ACTR3C: variants seen among roughly 807,000 people sequenced by gnomAD.
The protein encoded by ACTR3C is actin-related protein 3C.
Under a neutral mutation model 26.3 loss-of-function variants are expected in ACTR3C, and 18 were observed. The observed-to-expected ratio is 0.68, with a 90% confidence interval of 0.47 to 1.01. The LOEUF is 1.01. ACTR3C is among the 50% of genes least tolerant of loss of function. The pLI, the probability that ACTR3C is intolerant of heterozygous loss-of-function variation, is 0.00. For synonymous variants in ACTR3C, 55 were observed against 94.5 expected (o/e 0.58, Z 2.42); for missense variants, 184 against 250.7 (o/e 0.73, Z 1.80).
chr7:150,294,280 C>T (rs2429329), intron 2 of ACTR3C, among the ~76,000 whole-genome samples: 10 of 152,330 alleles, frequency 6.6e-5, no homozygotes, highest in South Asian at 2.1e-4. Context: ...CCAGGGATGC[C>T]GCTACGCTCC....
At chr7:150,311,667 A>G (rs1403547054) in intron 1 of ACTR3C, among the ~76,000 whole-genome samples, 1 of 151,602 alleles carries the variant, frequency 6.6e-6, no homozygotes, top group African/African-American at 2.4e-5. Context: ...TCATATTTCT[A>G]TTTTTCCAAT....
At chr7:149,972,136 C>T in the ACTR3C span, among the ~76,000 whole-genome samples, 1 of 152,210 alleles carries the variant, frequency 6.6e-6, no homozygotes, top group South Asian at 2.1e-4. Flanking sequence ...GATCTCCCAG[C>T]TTCACCGGCC....
the ACTR3C span, among the ~76,000 whole-genome samples, chr7:150,113,430 T>C: frequency 7.3e-5 from 10 of 137,678 alleles, no homozygotes; most frequent in Non-Finnish European, 1.2e-4. Context: ...ATGCATTCTT[T>C]AGAATGATTT....
the ACTR3C span, among the ~76,000 whole-genome samples, chr7:149,927,454 C>T: frequency 2.0e-5 from 3 of 149,628 alleles, no homozygotes; most frequent in African/African-American, 4.9e-5. Flanking sequence ...AAAAGCCAGG[C>T]GCAGTGGCTC....
chr7:150,194,195 C>T, the ACTR3C span, among the ~76,000 whole-genome samples: 3 of 148,442 alleles, frequency 2.0e-5, no homozygotes, highest in Admixed American at 2.0e-4. Context: ...TATCATTATG[C>T]AATACCCCTA....
At chr7:149,957,559 T>C in the ACTR3C span, among the ~76,000 whole-genome samples, 1 of 152,248 alleles carries the variant, frequency 6.6e-6, no homozygotes, top group African/African-American at 2.4e-5. Flanking sequence ...GCTTTTGGAC[T>C]CTGAGACTTG....
the ACTR3C span, among the ~76,000 whole-genome samples, chr7:149,971,406 C>T: frequency 3.9e-5 from 6 of 152,166 alleles, no homozygotes; most frequent in South Asian, 2.1e-4. Flanking sequence ...GGCCTGGAAG[C>T]GTTTGATGCA....
the ACTR3C span, among the ~76,000 whole-genome samples, chr7:150,178,021 G>A: frequency 6.6e-6 from 1 of 150,660 alleles, no homozygotes; most frequent in African/African-American, 2.5e-5. Flanking sequence ...CATTGATTAT[G>A]AGACACAACA....
the ACTR3C span, among the ~76,000 whole-genome samples, chr7:149,929,728 A>G: frequency 2.0e-5 from 3 of 152,082 alleles, no homozygotes; most frequent in African/African-American, 7.2e-5. Context: ...ACGGGGTTTC[A>G]CCATGTTGGC....
chr7:149,933,356 C>G, the ACTR3C span, among the ~76,000 whole-genome samples: 1 of 151,372 alleles, frequency 6.6e-6, no homozygotes, highest in South Asian at 2.1e-4. Flanking sequence ...CCTCAGTAAT[C>G]AGGACACTGA....
chr7:150,039,285 CT>C, the ACTR3C span, among the ~76,000 whole-genome samples: 1 of 149,608 alleles, frequency 6.7e-6, no homozygotes, highest in East Asian at 2.0e-4. Flanking sequence ...TGCCTCCCCC[CT>C]CCTGCGATGG....
At chr7:150,148,175 GAAAA>G in the ACTR3C span, among the ~76,000 whole-genome samples, 25 of 147,864 alleles carry the variant, frequency 1.7e-4, no homozygotes, top group African/African-American at 5.5e-4. Context: ...GAAAAGAAAA[GAAAA>G]GGGGAAAAAA....
chr7:150,288,015 G>A (rs149620319), intron 4 of ACTR3C, among the ~76,000 whole-genome samples: 19 of 146,640 alleles, frequency 1.3e-4, no homozygotes, highest in African/African-American at 2.1e-4. Flanking sequence ...AGGCCTGTTC[G>A]CGACCACAGA....
At chr7:150,213,867 A>G in the ACTR3C span, among the ~76,000 whole-genome samples, 109 of 144,294 alleles carry the variant, frequency 7.6e-4, no homozygotes, top group Non-Finnish European at 1.3e-3. Flanking sequence ...GAAAGAACTG[A>G]CAGAAAATAA....
At chr7:150,238,407 G>C in the ACTR3C span, among the ~76,000 whole-genome samples, 37 of 126,926 alleles carry the variant, frequency 2.9e-4, no homozygotes, top group African/African-American at 1.3e-3. Flanking sequence ...ACACCAGTAG[G>C]TTGTAAATCC....
the ACTR3C span, among the ~76,000 whole-genome samples, chr7:150,168,802 C>T: frequency 6.6e-6 from 1 of 150,714 alleles, no homozygotes; most frequent in Non-Finnish European, 1.5e-5. Flanking sequence ...CTGTGATTGC[C>T]GCTGGCATGT....
chr7:150,174,407 C>T, the ACTR3C span, among the ~76,000 whole-genome samples: 2 of 139,276 alleles, frequency 1.4e-5, 1 homozygote, highest in Non-Finnish European at 3.0e-5. Context: ...AAGACTGGCC[C>T]CCATGATTCA....
At chr7:150,135,351 A>C in the ACTR3C span, among the ~76,000 whole-genome samples, 3 of 152,256 alleles carry the variant, frequency 2.0e-5, no homozygotes, top group Admixed American at 6.5e-5. Context: ...TGATGAAACT[A>C]AGCTATTTAC....
chr7:150,180,511 C>CTTTTTTTT, the ACTR3C span, among the ~76,000 whole-genome samples: 51 of 125,680 alleles, frequency 4.1e-4, no homozygotes, highest in Non-Finnish European at 6.2e-4. Flanking sequence ...AGTAGTATAT[C>CTTTTTTTT]TTTTTTTTTT....
Sources: gnomAD v4.1 joint callset for allele counts (sites outside exome capture counted in the v4.1 genomes callset) on GRCh38, gnomAD v4.1.1 for gene constraint, MANE v1.5 for transcripts, NCBI Gene and HGNC (gene_info 2026-07-23, HGNC 2026-07-21) for gene names.